The following DCTD variants were observed in gnomAD, a reference collection of about 807,000 sequenced individuals.
DCTD encodes dCMP deaminase.
Under a neutral mutation model 21.0 loss-of-function variants are expected in DCTD, and 23 were observed. The ratio of observed to expected loss-of-function variants is 1.09; its 90% confidence interval spans 0.79 to 1.55. DCTD has a LOEUF of 1.55. Among genes scored for constraint, DCTD ranks in the 40% most tolerant of loss-of-function variants. The pLI is 0.00. For missense variants in DCTD, 224 were observed against 230.0 expected (o/e 0.97, Z 0.17); for synonymous variants, 71 against 81.1 (o/e 0.88, Z 0.67).
intron 3 of DCTD, among the ~76,000 whole-genome samples, chr4:182,910,922 A>G (rs913058643): frequency 6.6e-6 from 1 of 152,216 alleles, no homozygotes; most frequent in Admixed American, 6.5e-5. Flanking sequence ...CAAGGCATCA[A>G]TCAGGACTAA....
chr4:182,892,542 C>T (rs1422375078), intron 5 of DCTD, among the ~76,000 whole-genome samples: 1 of 151,924 alleles, frequency 6.6e-6, no homozygotes, highest in East Asian at 1.9e-4. Context: ...GGCAGGAGAA[C>T]CGCTTGAACC....
rs1450229139 is a variant in DCTD at position 182,908,259 on chromosome 4, TC to T, written c.244+6663del. 2.4e-4 allele frequency among the ~76,000 whole-genome samples: 36 copies of T among 152,002 alleles called. 1 individual carries two copies. Among genetic ancestry groups the T allele is most frequent in the Admixed American group, 5.2e-4 (8 of 15,252 alleles). ...TCATTTCAGCCAATTTCAGAGAAGA[TC>T]AGTCAAAATCAGCACAACTGACATA... On this transcript the variant is annotated intron_variant, in intron 3 of 5. Coordinates refer to ENST00000438320, the MANE Select transcript of DCTD (RefSeq NM_001921.3).
chr4:182,893,155 A>G, intron 4 of DCTD, 28 bp from the exon 5 acceptor site: 1 of 1,340,688 alleles, frequency 7.5e-7, no homozygotes, highest in Non-Finnish European at 1.1e-6. Flanking sequence ...GAGCTCCCTT[A>G]GTGTACGCAC....
chr4:182,905,657 C>T (rs1736573933), intron 3 of DCTD, among the ~76,000 whole-genome samples: 1 of 152,232 alleles, frequency 6.6e-6, no homozygotes, highest in Admixed American at 6.5e-5. Context: ...TCTCCAACCA[C>T]CTTAAGCGCT....
intron 1 of DCTD, chr4:182,916,606 A>G: frequency 1.0e-6 from 1 of 995,410 alleles, no homozygotes; most frequent in African/African-American, 1.7e-5. Context: ...ACGCTGCCCC[A>G]CATCTGAGAG....
At chr4:182,902,936 A>G (rs1168947504) in intron 3 of DCTD, among the ~76,000 whole-genome samples, 2 of 152,268 alleles carry the variant, frequency 1.3e-5, no homozygotes, top group African/African-American at 4.8e-5. Context: ...ATCTTCAAGT[A>G]ACATTGTTTC....
chr4:182,908,219 A>G (rs1035815085), intron 3 of DCTD, among the ~76,000 whole-genome samples: 2 of 152,212 alleles, frequency 1.3e-5, no homozygotes, highest in East Asian at 3.8e-4. Context: ...AACTCAAAAT[A>G]CAATAAAGCT....
At chr4:182,907,015 G>T (rs1480874240) in intron 3 of DCTD, among the ~76,000 whole-genome samples, 1 of 152,220 alleles carries the variant, frequency 6.6e-6, no homozygotes, top group Non-Finnish European at 1.5e-5. Flanking sequence ...ATGCTGACTT[G>T]TTCTCTAAAG....
chr4:182,896,806 C>G (rs1022672258), intron 3 of DCTD, among the ~76,000 whole-genome samples: 1 of 152,210 alleles, frequency 6.6e-6, no homozygotes, highest in Non-Finnish European at 1.5e-5. Flanking sequence ...CTTTGTAACT[C>G]CCCCAGAGTC....
At position 182,890,488 on chromosome 4, in the gene DCTD, C is replaced by A. The variant is rs1733560192; in HGVS notation, c.*911G>T. The A allele has an allele frequency of 6.6e-6, 1 of 152,242 alleles. No homozygotes were observed. Among genetic ancestry groups the A allele is most frequent in the Non-Finnish European group, 1.5e-5 (1 of 68,056 alleles). 9.4% of individuals were successfully genotyped at this position (152,242 alleles called of 1,614,324 possible). A position where few individuals can be genotyped will look rare whatever the true frequency, so the allele number is the denominator to read the frequency against. On this transcript the variant is annotated 3_prime_UTR_variant, in exon 6 of 6. Transcript: ENST00000438320. Reference sequence around the variant, plus strand: ...CACGGGATAGGAATTAATTTTCTCTCCAGTTGCAGAGGGGCCTTGTACATG... The same window carrying A: ...CACGGGATAGGAATTAATTTTCTCTACAGTTGCAGAGGGGCCTTGTACATG...
intron 3 of DCTD, among the ~76,000 whole-genome samples, chr4:182,905,115 C>T (rs13117695): frequency 0.061 from 9,273 of 152,192 alleles, 340 homozygotes; most frequent in South Asian, 0.11. Context: ...TCCCAAAGCC[C>T]GATCTAAATA....
chr4:182,914,842 G>GA lies in DCTD; in HGVS notation c.244+80dup, dbSNP rs1317552348. The stretch of plus-strand genomic sequence containing the variant: ...CAGTTGTTGATGACAAAAGGGAGAT[G>GA]ATGCCTTCTGACCAACTTTCTTAAT... On this transcript the variant is annotated intron_variant, in intron 3 of 5. Coordinates refer to ENST00000438320, the MANE Select transcript of DCTD (RefSeq NM_001921.3). The GA allele has an allele frequency of 4.7e-6, 7 of 1,495,452 alleles. No individual in the cohort carries two copies. The Admixed American group carries it at 1.2e-4, about 26-fold the overall frequency. 92.6% of individuals were successfully genotyped at this position (1,495,452 alleles called of 1,614,324 possible).
At chr4:182,893,438 C>T (rs1363342328) in intron 4 of DCTD, among the ~76,000 whole-genome samples, 1 of 152,224 alleles carries the variant, frequency 6.6e-6, no homozygotes, top group Non-Finnish European at 1.5e-5. Flanking sequence ...AGGCAGTATG[C>T]ACAAGGTAGC....
chr4:182,914,476 T>G (rs566334501), intron 3 of DCTD, among the ~76,000 whole-genome samples: 2 of 152,356 alleles, frequency 1.3e-5, no homozygotes, highest in East Asian at 3.9e-4. Context: ...ATGGGCTGAA[T>G]GAAGCCTGCT....
intron 4 of DCTD, among the ~76,000 whole-genome samples, chr4:182,893,689 G>A (rs182502966): frequency 4.8e-4 from 73 of 152,384 alleles, no homozygotes; most frequent in Non-Finnish European, 9.0e-4. Context: ...AGGCTGCAGT[G>A]TGGGGCCCGG....
intron 3 of DCTD, among the ~76,000 whole-genome samples, chr4:182,908,748 G>C (rs931902642): frequency 9.9e-5 from 15 of 150,760 alleles, no homozygotes; most frequent in African/African-American, 3.2e-4. Context: ...ATATCCATTT[G>C]CATTCAGATC....
At chr4:182,914,539 A>G (rs537139157) in intron 3 of DCTD, among the ~76,000 whole-genome samples, 18 of 152,340 alleles carry the variant, frequency 1.2e-4, no homozygotes, top group African/African-American at 4.1e-4. Flanking sequence ...CCTGCTTCCA[A>G]GTAGTAAAAA....
intron 3 of DCTD, among the ~76,000 whole-genome samples, chr4:182,909,615 G>T (rs767921509): frequency 2.0e-5 from 3 of 152,106 alleles, no homozygotes; most frequent in Non-Finnish European, 4.4e-5. Flanking sequence ...ATTTCAGGAC[G>T]GAAAGAACAA....
chr4:182,907,961 A>G (rs1412691719), intron 3 of DCTD, among the ~76,000 whole-genome samples: 2 of 152,078 alleles, frequency 1.3e-5, no homozygotes. Context: ...TGAATATGGC[A>G]ATTGTTGTTT....
Sources: gnomAD v4.1 joint callset for allele counts (sites outside exome capture counted in the v4.1 genomes callset) on GRCh38, gnomAD v4.1.1 for gene constraint, MANE v1.5 for transcripts, NCBI Gene and HGNC (gene_info 2026-07-23, HGNC 2026-07-21) for gene names.